MTA2: variants seen among roughly 807,000 people sequenced by gnomAD.
MTA2 encodes metastasis associated 1 family member 2.
A neutral mutation model predicts 87.1 loss-of-function variants in MTA2; 22 were observed. That is an observed-to-expected ratio of 0.25 (90% CI 0.18 to 0.36). The LOEUF (loss-of-function observed/expected upper bound fraction) is 0.36. Among genes scored for constraint, MTA2 ranks in the 10% least tolerant of loss-of-function variants. MTA2 has a pLI of 1.00. For synonymous variants in MTA2, 314 were observed against 310.1 expected (o/e 1.01, Z -0.13); for missense variants, 542 against 853.2 (o/e 0.64, Z 4.54).
chr11:62,600,952 C>T (rs1289683396), intron 1 of MTA2: 3 of 509,228 alleles, frequency 5.9e-6, no homozygotes, highest in Non-Finnish European at 1.0e-5. Context: ...CCCTGCAGTC[C>T]CCACAACTCA....
chr11:62,594,709 T>C, intron 15 of MTA2, 75 bp from the exon 16 acceptor site: 1 of 1,393,342 alleles, frequency 7.2e-7, no homozygotes, highest in Non-Finnish European at 1.0e-6. Context: ...CTCTCTTCCC[T>C]GGACCAGCAG....
At chr11:62,596,149 G>A (rs1302403537) in intron 11 of MTA2, 42 bp from the exon 12 acceptor site, 1 of 1,607,008 alleles carries the variant, frequency 6.2e-7, no homozygotes, top group Non-Finnish European at 8.5e-7. Flanking sequence ...ACAAGAAACT[G>A]GTCAAGGAAA....
chr11:62,600,073 G>A, intron 3 of MTA2, 93 bp downstream of exon 3: 1 of 1,197,352 alleles, frequency 8.4e-7, no homozygotes, highest in Non-Finnish European at 1.2e-6. Flanking sequence ...TCACACCTCT[G>A]CCTTGGGCAT....
chr11:62,597,925 G>C, intron 6 of MTA2, 99 bp downstream of exon 6: 1 of 1,179,416 alleles, frequency 8.5e-7, no homozygotes, highest in East Asian at 2.3e-5. Flanking sequence ...ACAGTGCACT[G>C]CACAACCCCA....
intron 3 of MTA2, 45 bp downstream of exon 3, chr11:62,600,121 C>T (rs752632523): frequency 1.9e-6 from 3 of 1,543,646 alleles, no homozygotes; most frequent in African/African-American, 2.7e-5. Context: ...ATGCCCAGGC[C>T]TCAGATCATG....
rs1942062081 is a variant in MTA2 at position 62,594,018 on chromosome 11, G to A, written c.1864C>T (p.His622Tyr). The A allele has an allele frequency of 6.2e-7, 1 of 1,609,320 alleles. No homozygotes were observed. Among genetic ancestry groups the A allele is most frequent in the Non-Finnish European group, 8.5e-7 (1 of 1,177,592 alleles). Residue 622 changes from histidine (H) to tyrosine (Y), a missense_variant, in exon 18 of 18, where the codon CAT becomes TAT. By Grantham distance (83) the His-to-Tyr change is moderately conservative. This residue lies in a region of MTA2 where 269 missense variants were observed against 346.4 expected (regional missense o/e 0.78). Coordinates refer to ENST00000278823, the MANE Select transcript of MTA2 (RefSeq NM_004739.4). Reference sequence around the variant, plus strand: ...CGAGCAGCTCGCCGCATTTCCAGATGGGTCAGAGCCTTCCGTAGGGCCCTG... The same window carrying A: ...CGAGCAGCTCGCCGCATTTCCAGATAGGTCAGAGCCTTCCGTAGGGCCCTG... ...DTRALRKALT[H>Y]LEMRRAARRP...
In MTA2 at chr11:62,593,421, A is replaced by G. The variant is rs912589772; in HGVS notation, c.*454T>C. On this transcript the variant is annotated 3_prime_UTR_variant, in exon 18 of 18. Coordinates refer to ENST00000278823, the MANE Select transcript of MTA2 (RefSeq NM_004739.4). ...AGGAAAGTCCGGACACCGGACAGAA[A>G]GAGAAACCCCCAATTAGGAAAAAAA... 1.4e-5 allele frequency: 2 copies of G among 147,714 alleles called. No individual in the cohort carries two copies. The highest frequency in any genetic ancestry group is 6.8e-5 in the Admixed American group (1 of 14,778). The allele number at this position is 147,714 out of a possible 1,614,324, so 9.2% of individuals were successfully genotyped here.
At chr11:62,600,119 G>C in intron 3 of MTA2, 47 bp downstream of exon 3, 2 of 1,539,108 alleles carry the variant, frequency 1.3e-6, no homozygotes, top group Non-Finnish European at 1.8e-6. Flanking sequence ...ACATGCCCAG[G>C]CCTCAGATCA....
chr11:62,601,421 A>T lies in MTA2; in HGVS notation c.28+2T>A. On this transcript the variant is annotated splice_donor_variant, in intron 1 of 17. Transcript: ENST00000278823. LOFTEE classifies it high-confidence loss of function. Reference sequence around the variant, plus strand: ...CCCCGTATCCCTGCGCCCGGTACTCACCTCCCACCCGGTACATGTTGGCCG... The same window carrying T: ...CCCCGTATCCCTGCGCCCGGTACTCTCCTCCCACCCGGTACATGTTGGCCG... 6.2e-7 allele frequency: 1 copy of T among 1,606,680 alleles called. No homozygotes were observed.
At chr11:62,601,012 A>G in intron 1 of MTA2, 1 of 486,974 alleles carries the variant, frequency 2.1e-6, no homozygotes, top group Non-Finnish European at 3.6e-6. Flanking sequence ...GCTCTAGCGC[A>G]GGGCCCCTAC....
In MTA2 at chr11:62,597,592, T is replaced by TATCC. The variant is rs1565044927; in HGVS notation, c.593+14_593+17dup. On this transcript the variant is annotated intron_variant, in intron 7 of 17. Coordinates refer to ENST00000278823, the MANE Select transcript of MTA2 (RefSeq NM_004739.4). The stretch of plus-strand genomic sequence containing the variant: ...CACACCTCCCCCAGCCCATCTTCCC[T>TATCC]ATCCACCCACCCCTCACCGGGCCAC... 1.9e-6 allele frequency: 3 copies of TATCC among 1,611,354 alleles called. No individual in the cohort carries two copies. Among genetic ancestry groups the TATCC allele is most frequent in the Admixed American group, 1.7e-5 (1 of 59,810 alleles).
rs1345910082 is a variant in MTA2, at chr11:62,601,600, G to A, written c.-150C>T. On this transcript the variant is annotated 5_prime_UTR_variant, in exon 1 of 18. Transcript: ENST00000278823. ...CGCAGCCGGCACCTCCGCTGCCTCA[G>A]CCGTCGCGGTTCATCCCGGCCCGCG... 1.1e-6 allele frequency: 1 copy of A among 894,202 alleles called. No homozygotes were observed. The highest frequency in any genetic ancestry group is 1.6e-6 in the Non-Finnish European group (1 of 620,492). The allele number at this position is 894,202 out of a possible 1,614,324, so 55.4% of individuals were successfully genotyped here.
intron 15 of MTA2, 28 bp downstream of exon 15, chr11:62,594,953 G>A: frequency 6.2e-7 from 1 of 1,600,866 alleles, no homozygotes; most frequent in Admixed American, 1.7e-5. Context: ...GGAGCCTGAT[G>A]CCAACCTCAC....
In MTA2 at chr11:62,593,287, A is replaced by T. The variant is rs1304106149; in HGVS notation, c.*588T>A. On this transcript the variant is annotated 3_prime_UTR_variant, in exon 18 of 18. Coordinates refer to ENST00000278823, the MANE Select transcript of MTA2 (RefSeq NM_004739.4). ...CCGAGGTTAAAAAAACGGACAAAAGATCTTTATTTCTGAGAACTGGCGTAC... is the reference window on the plus strand; with the variant it reads ...CCGAGGTTAAAAAAACGGACAAAAGTTCTTTATTTCTGAGAACTGGCGTAC... The T allele has an allele frequency of 6.6e-6, 1 of 152,280 alleles. No individual in the cohort carries two copies. Among genetic ancestry groups the T allele is most frequent in the East Asian group, 1.9e-4 (1 of 5,184 alleles). The allele number at this position is 152,280 out of a possible 1,614,324, so 9.4% of individuals were successfully genotyped here.
In MTA2 at chr11:62,593,810, G is replaced by A; in HGVS notation, c.*65C>T. 6.3e-7 allele frequency: 1 copy of A among 1,588,828 alleles called. No homozygotes were observed. The highest frequency in any genetic ancestry group is 8.6e-7 in the Non-Finnish European group (1 of 1,160,338). On this transcript the variant is annotated 3_prime_UTR_variant, in exon 18 of 18. Transcript: ENST00000278823. ...CACTCCCTTCGACACGAAAGGGAAG[G>A]GAGGTTTGGGTGCCCTGGGCATCCA...
rs1015529717 is a variant in MTA2, at chr11:62,595,531, A to G, written c.1255-39T>C. ...ATAGGAAAGAGAGAGAGCAGAAATC[A>G]GCACTGAGGCTCCCTTCTTTCTTCC... On this transcript the variant is annotated intron_variant, in intron 13 of 17. Coordinates refer to ENST00000278823, the MANE Select transcript of MTA2 (RefSeq NM_004739.4). This position sits in a 1 kb window ranked among gnomAD's most constrained non-coding sequence, Gnocchi z 4.9. 6.2e-7 allele frequency: 1 copy of G among 1,602,834 alleles called. No individual in the cohort carries two copies. The highest frequency in any genetic ancestry group is 8.5e-7 in the Non-Finnish European group (1 of 1,171,124).
At chr11:62,599,671 G>C (rs1008841714) in intron 3 of MTA2, among the ~76,000 whole-genome samples, 25 of 151,394 alleles carry the variant, frequency 1.7e-4, no homozygotes, top group African/African-American at 5.6e-4. Context: ...ATGTAAAATG[G>C]AGGGGGGCGG....
rs763706693 is a variant in MTA2 at position 62,598,394 on chromosome 11, T to C, written c.309-4A>G. The C allele has an allele frequency of 3.1e-6, 5 of 1,614,002 alleles. No individual in the cohort carries two copies. The highest frequency in any genetic ancestry group is 2.2e-5 in the South Asian group (2 of 91,084). On this transcript the variant is annotated splice_polypyrimidine_tract_variant and splice_region_variant and intron_variant, in intron 4 of 17. Transcript: ENST00000278823. ...GAGGGTCACACTGCATTTCCCCCTATAGGAGAGAGATTGGAAAACCCCGGT... is the reference window on the plus strand; with the variant it reads ...GAGGGTCACACTGCATTTCCCCCTACAGGAGAGAGATTGGAAAACCCCGGT...
At chr11:62,597,251 G>T in intron 8 of MTA2, 65 bp downstream of exon 8, 1 of 1,135,290 alleles carries the variant, frequency 8.8e-7, no homozygotes. Flanking sequence ...CTCCTCTTCT[G>T]TTCCCAGGCT....
Sources: allele counts gnomAD v4.1 joint callset (sites outside exome capture counted in the v4.1 genomes callset), GRCh38; gene constraint gnomAD v4.1.1; regional missense constraint gnomAD v4.1.1; non-coding constraint Gnocchi (gnomAD v3.1); transcripts MANE v1.5; gene names NCBI Gene and HGNC (gene_info 2026-07-23, HGNC 2026-07-21).